The following CD6 variants were observed in gnomAD, a reference collection of about 807,000 sequenced individuals.
CD6 encodes the protein T-cell differentiation antigen CD6.
Under a neutral mutation model 75.3 loss-of-function variants are expected in CD6, and 53 were observed. The ratio of observed to expected loss-of-function variants is 0.70; its 90% CI spans 0.56 to 0.88. CD6 has a LOEUF of 0.88. Ranked by LOEUF, CD6 falls within the 40% of genes least tolerant of loss-of-function variation. The pLI is 0.00. For synonymous variants in CD6, 359 were observed against 381.5 expected, an observed-to-expected ratio of 0.94 and a Z score of 0.69; for missense variants, 770 against 897.1, an observed-to-expected ratio of 0.86 and a Z score of 1.81.
chr11:60,972,047 G>T (rs1857203199), intron 1 of CD6, 133 bp downstream of exon 1: 1 of 908,996 alleles, frequency 1.1e-6, no homozygotes, highest in Non-Finnish European at 1.7e-6. Context: ...TCAGGTACCA[G>T]GGAGGTCCAG....
chr11:60,996,133 A>G (rs1396320518), intron 1 of CD6, among the ~76,000 whole-genome samples: 1 of 152,158 alleles, frequency 6.6e-6, no homozygotes, highest in East Asian at 1.9e-4. Context: ...CTTAGGCAAG[A>G]TACTAAACCG....
chr11:60,991,149 C>CTTTTTTTTTTT (rs58123378), intron 1 of CD6, among the ~76,000 whole-genome samples: 145 of 114,668 alleles, frequency 1.3e-3, no homozygotes, highest in Non-Finnish European at 1.8e-3. Context: ...CTTTTTCTTT[C>CTTTTTTTTTTT]TTTTTTTTTT....
intron 1 of CD6, among the ~76,000 whole-genome samples, chr11:60,979,616 C>A (rs1315682511): frequency 1.3e-5 from 2 of 152,094 alleles, no homozygotes; most frequent in Non-Finnish European, 2.9e-5. Context: ...TAGGCACCCA[C>A]CACCATGCCC....
intron 1 of CD6, chr11:60,982,901 CA>C: frequency 2.6e-6 from 1 of 378,124 alleles, no homozygotes; most frequent in Non-Finnish European, 5.2e-6. Context: ...GAACCAGGCA[CA>C]GGCTTAACTA....
At chr11:60,985,050 T>G (rs1393479743) in intron 1 of CD6, 1 of 152,190 alleles carries the variant, frequency 6.6e-6, no homozygotes, top group African/African-American at 2.4e-5. Flanking sequence ...CCTTTTTTTC[T>G]TTTTTTAAAC....
At chr11:60,999,520 G>T (rs759771754) in intron 1 of CD6, among the ~76,000 whole-genome samples, 1 of 151,776 alleles carries the variant, frequency 6.6e-6, no homozygotes, top group Non-Finnish European at 1.5e-5. Context: ...CTGAAGGGGA[G>T]AGTACAACCA....
At chr11:60,976,198 A>C (rs186321838) in intron 1 of CD6, among the ~76,000 whole-genome samples, 1 of 152,194 alleles carries the variant, frequency 6.6e-6, no homozygotes, top group East Asian at 1.9e-4. Flanking sequence ...GGAATCTCTG[A>C]TGTCTGTTAC....
At chr11:60,991,253 C>T (rs1053335841) in intron 1 of CD6, among the ~76,000 whole-genome samples, 2 of 146,710 alleles carry the variant, frequency 1.4e-5, no homozygotes, top group African/African-American at 5.0e-5. Flanking sequence ...TGGGTTCAAG[C>T]GATTCTCCTG....
chr11:61,010,324 A>G (rs1386223153), intron 5 of CD6, among the ~76,000 whole-genome samples: 1 of 152,180 alleles, frequency 6.6e-6, no homozygotes, highest in African/African-American at 2.4e-5. Context: ...GGGTTCCACC[A>G]TATCTCGCCA....
rs1466492978 is a variant in CD6 at position 61,007,891 on chromosome 11, G to A, written c.450G>A (p.Arg150=). 1.1e-5 allele frequency: 15 copies of A among 1,370,382 alleles called. No individual in the cohort carries two copies. Among genetic ancestry groups the A allele is most frequent in the Non-Finnish European group, 1.2e-5 (13 of 1,066,978 alleles). 84.9% of individuals were successfully genotyped at this position (1,370,382 alleles called of 1,614,324 possible). The part of the protein sequence containing the change: ...VEHACRSDGR[R]ARVTCAENRA... ...ACGCGTGCCGCAGCGACGGGAGGCG[G>A]GCCCGTGTCACCTGTGCAGGTACGA... The change falls in exon 3 of 13, where the codon CGG becomes CGA. Residue 150 remains arginine, a synonymous_variant. Transcript: ENST00000313421. The surrounding 1 kb of genome is among the most constrained non-coding windows in gnomAD (Gnocchi z 4.2).
At chr11:60,991,145 C>CTTTTTT (rs1319427330) in intron 1 of CD6, among the ~76,000 whole-genome samples, 1 of 85,790 alleles carries the variant, frequency 1.2e-5, no homozygotes. Flanking sequence ...TTTTCTTTTT[C>CTTTTTT]TTTCTTTTTT....
Position 61,007,565 on chromosome 11 carries a change from C to T in CD6, c.124C>T (p.Arg42Trp). The T allele has an allele frequency of 1.3e-6, 2 of 1,494,716 alleles. No individual in the cohort carries two copies. Among genetic ancestry groups the T allele is most frequent in the Non-Finnish European group, 1.8e-6 (2 of 1,121,292 alleles). 92.6% of individuals were successfully genotyped at this position (1,494,716 alleles called of 1,614,324 possible). The stretch of plus-strand genomic sequence containing the variant: ...CTCTGGTCTGACACTTCCAGGGGAG[C>T]GGCTTCCGGTCCGTCTGACAAACGG... Reference protein sequence around the residue: ...AESELWEPGERLPVRLTNGSS... With the variant: ...AESELWEPGEWLPVRLTNGSS... Residue 42 changes from arginine (R) to tryptophan (W), a missense_variant, in exon 3 of 13, where the codon CGG (arginine) becomes TGG (tryptophan). Transcript: ENST00000313421. The surrounding 1 kb of genome is among the most constrained non-coding windows in gnomAD (Gnocchi z 4.2).
chr11:61,004,849 A>C (rs77513373), intron 1 of CD6, among the ~76,000 whole-genome samples: 107 of 152,286 alleles, frequency 7.0e-4, no homozygotes, highest in African/African-American at 2.5e-3. Context: ...AATATCCTTC[A>C]ACAGGGAAGA....
At chr11:61,006,503 T>C (rs1858865662) in intron 1 of CD6, 71 bp from the exon 2 acceptor site, 2 of 1,286,604 alleles carry the variant, frequency 1.6e-6, no homozygotes, top group Admixed American at 2.0e-5. Flanking sequence ...TGCCCCCTGC[T>C]CATCAGGGTG....
At chr11:61,001,757 C>T (rs1376809902) in intron 1 of CD6, among the ~76,000 whole-genome samples, 1 of 152,106 alleles carries the variant, frequency 6.6e-6, no homozygotes, top group Non-Finnish European at 1.5e-5. Flanking sequence ...TGTCCCACGA[C>T]CAGCTGCATA....
At chr11:60,991,510 G>A (rs531967868) in intron 1 of CD6, among the ~76,000 whole-genome samples, 1 of 152,068 alleles carries the variant, frequency 6.6e-6, no homozygotes, top group South Asian at 2.1e-4. Context: ...TGAATATGTT[G>A]TTTTTCATCT....
At position 60,982,658 on chromosome 11, in the gene CD6, G is replaced by A. The variant is rs1470203104; in HGVS notation, c.49+10744G>A. ...GTTGCCAAATGGATTCAGCTCCTTG[G>A]AGAAATATGTTGCTTTGCCGGGATG... On this transcript the variant is annotated intron_variant, in intron 1 of 12. Transcript: ENST00000313421. 3 of 456,060 alleles carry A rather than the reference G, an allele frequency of 6.6e-6. No individual in the cohort carries two copies. In the Admixed American group the frequency reaches 7.0e-5, roughly 11 times the overall value. The allele number at this position is 456,060 out of a possible 1,614,324, so 28.3% of individuals were successfully genotyped here. A position where few individuals can be genotyped will look rare whatever the true frequency, so the allele number is the denominator to read the frequency against.
At position 61,007,740 on chromosome 11, in the gene CD6, C is replaced by G; in HGVS notation, c.299C>G (p.Pro100Arg). 7 of 1,423,496 alleles carry G rather than the reference C, an allele frequency of 4.9e-6. No individual in the cohort carries two copies. The highest frequency in any genetic ancestry group is 1.5e-5 in the African/African-American group (1 of 66,966). The allele number at this position is 1,423,496 out of a possible 1,614,324, so 88.2% of individuals were successfully genotyped here. ...GAGGCCGCCTCTCAGCTCGCCCCGC[C>G]GACCCCTGAGCTGCCGCCCCCGCCT... ...GAEAASQLAP[P>R]TPELPPPPAA... The change falls in exon 3 of 13, where the codon CCG becomes CGG. Residue 100 changes from proline (P) to arginine (R), a missense_variant. Transcript: ENST00000313421. The surrounding 1 kb of genome is among the most constrained non-coding windows in gnomAD (Gnocchi z 4.2).
chr11:61,015,090 G>C (rs1486882485), intron 8 of CD6, among the ~76,000 whole-genome samples: 1 of 152,130 alleles, frequency 6.6e-6, no homozygotes, highest in South Asian at 2.1e-4. Context: ...GGCAAAATGG[G>C]GATAATAATG....
Sources: gnomAD v4.1 joint callset for allele counts (sites outside exome capture counted in the v4.1 genomes callset) on GRCh38, gnomAD v4.1.1 for gene constraint, Gnocchi (gnomAD v3.1) non-coding constraint, MANE v1.5 for transcripts, NCBI Gene and HGNC (gene_info 2026-07-23, HGNC 2026-07-21) for gene names.